Variants in RASL12 observed in about 807,000 individuals in gnomAD.
The protein encoded by RASL12 is ras-like protein family member 12.
In RASL12, 16 loss-of-function variants were observed where a neutral mutation model predicts 22.9. That is an observed-to-expected ratio of 0.70 (90% CI 0.47 to 1.06). RASL12 has a LOEUF of 1.06. Ranked by LOEUF, RASL12 falls within the 50% of genes least tolerant of loss-of-function variation. RASL12 has a pLI of 0.00. For missense variants in RASL12, 306 were observed against 353.1 expected, an observed-to-expected ratio of 0.87 and a Z score of 1.07; for synonymous variants, 159 against 152.2, an observed-to-expected ratio of 1.04 and a Z score of -0.33.
chr15:65,075,800 G>GT (rs2086963648), intron 1 of RASL12, among the ~76,000 whole-genome samples: 1 of 151,704 alleles, frequency 6.6e-6, no homozygotes, highest in South Asian at 2.1e-4. Context: ...TCAACACTCT[G>GT]TATCTAGCTG....
chr15:65,054,084 G>A lies in RASL12; in HGVS notation c.*815C>T. On this transcript the variant is annotated 3_prime_UTR_variant, in exon 5 of 5. Transcript: ENST00000220062. Reference sequence around the variant, plus strand: ...GTCTGATGCTGCTGTGGGCTCCCTGGAGCCCTGGGTAACTCACTGGAGTGA... The same window carrying A: ...GTCTGATGCTGCTGTGGGCTCCCTGAAGCCCTGGGTAACTCACTGGAGTGA... 1.0e-6 allele frequency: 1 copy of A among 985,922 alleles called. No individual in the cohort carries two copies. The highest frequency in any genetic ancestry group is 1.2e-6 in the Non-Finnish European group (1 of 829,994). 61.1% of individuals were successfully genotyped at this position (985,922 alleles called of 1,614,324 possible).
intron 3 of RASL12, 146 bp downstream of exon 3, chr15:65,059,199 G>A (rs1447472249): frequency 3.0e-6 from 2 of 670,040 alleles, no homozygotes; most frequent in Non-Finnish European, 5.4e-6. Context: ...GACCCAGAGA[G>A]GTCAAGTGCC....
chr15:65,065,097 G>A (rs1365667875), intron 2 of RASL12, 120 bp downstream of exon 2: 5 of 896,622 alleles, frequency 5.6e-6, no homozygotes, highest in South Asian at 3.5e-5. Flanking sequence ...TCATCCTGGC[G>A]GCTTCTCCCT....
chr15:65,062,165 G>A (rs1027094834), intron 2 of RASL12, among the ~76,000 whole-genome samples: 1 of 152,136 alleles, frequency 6.6e-6, no homozygotes, highest in African/African-American at 2.4e-5. Flanking sequence ...AGCCAGATGA[G>A]GCACCCTCAG....
chr15:65,049,940 C>T, downstream of RASL12: 2 of 1,329,778 alleles, frequency 1.5e-6, no homozygotes, highest in Admixed American at 2.2e-5. Flanking sequence ...ACCGAGGAGG[C>T]CAGGAGGGCT....
chr15:65,064,998 C>T (rs529177600), intron 2 of RASL12, among the ~76,000 whole-genome samples: 1 of 152,158 alleles, frequency 6.6e-6, no homozygotes, highest in Non-Finnish European at 1.5e-5. Context: ...TCTCTTAGTT[C>T]TGTGAATTAG....
intron 1 of RASL12, 58 bp from the exon 2 acceptor site, chr15:65,065,331 C>T (rs934036747): frequency 6.5e-7 from 1 of 1,535,152 alleles, no homozygotes; most frequent in East Asian, 2.3e-5. Flanking sequence ...GCTGCTGGCC[C>T]CTCGTTTAAG....
chr15:65,063,609 A>C (rs2086840057), intron 2 of RASL12, among the ~76,000 whole-genome samples: 1 of 152,172 alleles, frequency 6.6e-6, no homozygotes. Context: ...TTCGAGGAAC[A>C]AATCTCTTAG....
chr15:65,067,871 G>A lies in RASL12; in HGVS notation c.-36C>T. On this transcript the variant is annotated 5_prime_UTR_variant, in exon 1 of 5. Coordinates refer to ENST00000220062, the MANE Select transcript of RASL12 (RefSeq NM_016563.4). ...TGGACGGCCACGCAGGTCTGCGGCCGGTGGGCCCCGCGCAGTGCGCCCGCC... is the reference window on the plus strand; with the variant it reads ...TGGACGGCCACGCAGGTCTGCGGCCAGTGGGCCCCGCGCAGTGCGCCCGCC... 6.9e-7 allele frequency: 1 copy of A among 1,439,724 alleles called. No homozygotes were observed. The highest frequency in any genetic ancestry group is 9.1e-7 in the Non-Finnish European group (1 of 1,102,760). The allele number at this position is 1,439,724 out of a possible 1,614,324, so 89.2% of individuals were successfully genotyped here. A position where few individuals can be genotyped will look rare whatever the true frequency, so the allele number is the denominator to read the frequency against.
chr15:65,058,451 T>C lies in RASL12; in HGVS notation c.401A>G (p.Asn134Ser), dbSNP rs1227625252. The C allele has an allele frequency of 1.3e-6, 2 of 1,575,660 alleles. No homozygotes were observed. The highest frequency in any genetic ancestry group is 2.3e-5 in the South Asian group (2 of 86,142). The change falls in exon 4 of 5, where the codon AAC becomes AGC. Residue 134 changes from asparagine to serine, a missense_variant. Physicochemically the swap from Asn to Ser is conservative, Grantham distance 46. Coordinates refer to ENST00000220062, the MANE Select transcript of RASL12 (RefSeq NM_016563.4). Reference sequence around the variant, plus strand: ...CCTGTACTGAGCCATGTCCAGCTTGTTGCCCAGCAGCAGGGCAGGGATGCT... The same window carrying C: ...CCTGTACTGAGCCATGTCCAGCTTGCTGCCCAGCAGCAGGGCAGGGATGCT... ...QRSIPALLLGNKLDMAQYRQV... is the reference protein window; with the variant it reads ...QRSIPALLLGSKLDMAQYRQV...
chr15:65,062,136 T>A (rs927740233), intron 2 of RASL12, among the ~76,000 whole-genome samples: 26 of 151,540 alleles, frequency 1.7e-4, no homozygotes, highest in Admixed American at 9.2e-4. Flanking sequence ...AGTGAGAAGC[T>A]GACATTCTTC....
downstream of RASL12, among the ~76,000 whole-genome samples, chr15:65,048,613 C>T (rs558233781): frequency 6.1e-4 from 93 of 152,330 alleles, no homozygotes; most frequent in Non-Finnish European, 1.2e-3. Context: ...GTTCAAAACA[C>T]TTCTCTTGTT....
At chr15:65,063,421 AAC>A (rs2086836984) in intron 2 of RASL12, among the ~76,000 whole-genome samples, 1 of 151,990 alleles carries the variant, frequency 6.6e-6, no homozygotes, top group Admixed American at 6.6e-5. Context: ...GGCCTCTTCC[AAC>A]ACCTCGCCGG....
chr15:65,068,337 GC>G (rs542259112), upstream of RASL12: 541 of 973,358 alleles, frequency 5.6e-4, 1 homozygote, highest in African/African-American at 9.2e-3. The surrounding 1 kb of genome is among the most constrained non-coding windows in gnomAD (Gnocchi z 4.2). Flanking sequence ...TACCAAGCCA[GC>G]CCCGCCTCCT....
chr15:65,068,016 G>T, upstream of RASL12: 2 of 1,137,932 alleles, frequency 1.8e-6, no homozygotes, highest in Non-Finnish European at 2.2e-6. The surrounding 1 kb of genome is among the most constrained non-coding windows in gnomAD (Gnocchi z 4.2). Flanking sequence ...AGGAGGGGCC[G>T]GTGGAGCCTG....
In RASL12 at chr15:65,075,034, G is replaced by A. The variant is rs533526928; in HGVS notation, c.70+1495C>T. On this transcript the variant is annotated intron_variant, in intron 1 of 4. Transcript: ENST00000434605. ...CAGGGAGGTGTGGAGGGAGAGGCGC[G>A]AGCGGGAACCGGGGCTGCGTGTGGC... Among the ~76,000 whole-genome samples the A allele has an allele frequency of 2.6e-5, 4 of 152,356 alleles. No individual in the cohort carries two copies. The South Asian group carries it at 6.2e-4, about 24-fold the overall frequency.
At chr15:65,074,305 C>A (rs1164934729) in intron 1 of RASL12, among the ~76,000 whole-genome samples, 1 of 152,224 alleles carries the variant, frequency 6.6e-6, no homozygotes, top group Non-Finnish European at 1.5e-5. Flanking sequence ...GGACAAGTTA[C>A]CTAAAGTCTT....
At chr15:65,071,526 AC>A (rs929517171), upstream of RASL12, among the ~76,000 whole-genome samples, 1 of 151,206 alleles carries the variant, frequency 6.6e-6, no homozygotes, top group Non-Finnish European at 1.5e-5. Context: ...GGAAAACATG[AC>A]CCCCCACCTT....
chr15:65,066,110 A>G (rs2086875734), intron 1 of RASL12, among the ~76,000 whole-genome samples: 1 of 151,434 alleles, frequency 6.6e-6, no homozygotes. Flanking sequence ...AGAGAAAGAA[A>G]GAAGAAAGAG....
Sources: gnomAD v4.1 joint callset for allele counts (sites outside exome capture counted in the v4.1 genomes callset) on GRCh38, gnomAD v4.1.1 for gene constraint, Gnocchi (gnomAD v3.1) non-coding constraint, MANE v1.5 for transcripts, NCBI Gene and HGNC (gene_info 2026-07-23, HGNC 2026-07-21) for gene names.